The following YWHAG variants were observed in gnomAD, a reference collection of about 807,000 sequenced individuals.
YWHAG encodes the protein tyrosine 3-monooxygenase/tryptophan 5-monooxygenase activation protein gamma.
YWHAG carries 1 observed loss-of-function variant against 23.3 expected under a neutral mutation model. That is an observed-to-expected ratio of 0.04 (90% CI 0.02 to 0.20). YWHAG has a LOEUF of 0.20. Among genes scored for constraint, YWHAG ranks in the 10% least tolerant of loss-of-function variants. The pLI, the probability that YWHAG is intolerant of heterozygous loss-of-function variation, is 1.00. For missense variants in YWHAG, 151 were observed against 338.6 expected (o/e 0.45, Z 4.35); for synonymous variants, 160 against 144.0 (o/e 1.11, Z -0.80).
chr7:76,343,063 G>A (rs1803721174), intron 1 of YWHAG, among the ~76,000 whole-genome samples: 1 of 152,154 alleles, frequency 6.6e-6, no homozygotes, highest in Admixed American at 6.5e-5. Flanking sequence ...CTTGAAACCA[G>A]GAGACAGAGG....
intron 1 of YWHAG, 143 bp downstream of exon 1, chr7:76,358,579 G>A (rs1804000160): frequency 1.3e-6 from 1 of 787,866 alleles, no homozygotes. Context: ...CGCCTCTCGG[G>A]ACCCTCCCCA....
In YWHAG at chr7:76,329,443, A is replaced by G; in HGVS notation, c.*134T>C. 8.5e-7 allele frequency: 1 copy of G among 1,173,824 alleles called. No individual in the cohort carries two copies. 72.7% of individuals were successfully genotyped at this position (1,173,824 alleles called of 1,614,324 possible). On this transcript the variant is annotated 3_prime_UTR_variant, in exon 2 of 2. Coordinates refer to ENST00000307630, the MANE Select transcript of YWHAG (RefSeq NM_012479.4). This position sits in a 1 kb window ranked among gnomAD's most constrained non-coding sequence, Gnocchi z 6.1. ...AAAAATGTCAAAGAGGCGATCAAAG[A>G]CAGGACAGGTCGTGGGTTTCTCCCT...
chr7:76,353,313 A>G (rs904341702), intron 1 of YWHAG, among the ~76,000 whole-genome samples: 1 of 152,108 alleles, frequency 6.6e-6, no homozygotes, highest in Non-Finnish European at 1.5e-5. Flanking sequence ...CCCAGGTTCA[A>G]GTAATTCTCC....
At position 76,329,310 on chromosome 7, in the gene YWHAG, C is replaced by T. The variant is rs1159706124; in HGVS notation, c.*267G>A. 4.7e-6 allele frequency: 2 copies of T among 424,292 alleles called. No individual in the cohort carries two copies. Among genetic ancestry groups the T allele is most frequent in the Non-Finnish European group, 8.4e-6 (2 of 239,204 alleles). The allele number at this position is 424,292 out of a possible 1,614,324, so 26.3% of individuals were successfully genotyped here. A position where few individuals can be genotyped will look rare whatever the true frequency, so the allele number is the denominator to read the frequency against. The stretch of plus-strand genomic sequence containing the variant: ...ATCTAGCAATAAGTTAAATTAGAGA[C>T]AGACAGCTCCACTTGCATGAATCTA... On this transcript the variant is annotated 3_prime_UTR_variant, in exon 2 of 2. Transcript: ENST00000307630. This position sits in a 1 kb window ranked among gnomAD's most constrained non-coding sequence, Gnocchi z 6.1.
At chr7:76,348,347 C>A (rs978810597) in intron 1 of YWHAG, among the ~76,000 whole-genome samples, 2 of 150,516 alleles carry the variant, frequency 1.3e-5, no homozygotes, top group African/African-American at 4.9e-5. Flanking sequence ...TAGCCTGTCT[C>A]CCTGGTTCTA....
chr7:76,333,113 C>T (rs1803569510), intron 1 of YWHAG, among the ~76,000 whole-genome samples: 1 of 152,082 alleles, frequency 6.6e-6, no homozygotes, highest in South Asian at 2.1e-4. Context: ...GGGACTAAGG[C>T]ACATGCCACC....
intron 1 of YWHAG, among the ~76,000 whole-genome samples, chr7:76,342,980 TACAAA>T (rs1390468920): frequency 6.6e-6 from 1 of 151,948 alleles, no homozygotes; most frequent in Non-Finnish European, 1.5e-5. Flanking sequence ...CTACTAAAAA[TACAAA>T]AATTAGCTGG....
At position 76,339,351 on chromosome 7, in the gene YWHAG, T is replaced by A. The variant is rs371562480; in HGVS notation, c.88-9118A>T. On this transcript the variant is annotated intron_variant, in intron 1 of 1. Transcript: ENST00000307630. ...TGGGCATGGTGACGCACACCTGTAA[T>A]CCCAGCTACTCGGGAGGCGGAGACA... 4.6e-5 allele frequency among the ~76,000 whole-genome samples: 7 copies of A among 152,046 alleles called. No individual in the cohort carries two copies. The East Asian group carries it at 5.8e-4, about 13-fold the overall frequency.
intron 1 of YWHAG, among the ~76,000 whole-genome samples, chr7:76,354,036 G>C (rs1803912295): frequency 6.9e-6 from 1 of 145,024 alleles, no homozygotes; most frequent in African/African-American, 2.6e-5. Context: ...TCCAGCCTGG[G>C]TGACAGAGTG....
intron 1 of YWHAG, among the ~76,000 whole-genome samples, chr7:76,348,298 G>A (rs987633646): frequency 3.2e-4 from 44 of 139,306 alleles, no homozygotes; most frequent in South Asian, 2.2e-3. Flanking sequence ...ATAGCGTGTC[G>A]CCCAGGCTAG....
At chr7:76,330,396 AG>A (rs980266752) in intron 1 of YWHAG, among the ~76,000 whole-genome samples, 163 bp from the exon 2 acceptor site, 1 of 152,150 alleles carries the variant, frequency 6.6e-6, no homozygotes, top group African/African-American at 2.4e-5. Context: ...AGCACACACA[AG>A]GGAGGGAAAA....
At chr7:76,335,434 C>T (rs1308452865) in intron 1 of YWHAG, among the ~76,000 whole-genome samples, 1 of 152,212 alleles carries the variant, frequency 6.6e-6, no homozygotes, top group East Asian at 1.9e-4. Flanking sequence ...GTTATTCTCA[C>T]CAACAGTTTA....
Position 76,338,775 on chromosome 7 carries a change from T to G in YWHAG, c.88-8542A>C, listed in dbSNP as rs564504254. ...CTCATTCATTCTGTGAATTGTTCTC[T>G]GATCACAATGCCAAGGCTTCATTGT... On this transcript the variant is annotated intron_variant, in intron 1 of 1. Coordinates refer to ENST00000307630, the MANE Select transcript of YWHAG (RefSeq NM_012479.4). 1.3e-4 allele frequency among the ~76,000 whole-genome samples: 20 copies of G among 152,366 alleles called. No homozygotes were observed. In the South Asian group the frequency reaches 4.1e-3, roughly 32 times the overall value.
At chr7:76,355,104 T>A (rs1238751176) in intron 1 of YWHAG, among the ~76,000 whole-genome samples, 6 of 152,202 alleles carry the variant, frequency 3.9e-5, no homozygotes, top group Non-Finnish European at 7.3e-5. Flanking sequence ...TTTTTAAAAA[T>A]AACCACTTTC....
chr7:76,333,211 C>A (rs567209158), intron 1 of YWHAG, among the ~76,000 whole-genome samples: 2 of 152,268 alleles, frequency 1.3e-5, no homozygotes, highest in South Asian at 4.1e-4. Context: ...CTCAAGTGAT[C>A]CACCCACCTT....
chr7:76,341,000 A>G lies in YWHAG; in HGVS notation c.88-10767T>C, dbSNP rs543178474. On this transcript the variant is annotated intron_variant, in intron 1 of 1. Transcript: ENST00000307630. ...CCTTCTGCCTGAGCCTAGCCTCCCA[A>G]GTAGCTGGGACTACAGGCATGTGCC... is the stretch of plus-strand genomic sequence containing the variant. 1.4e-3 allele frequency among the ~76,000 whole-genome samples: 220 copies of G among 152,316 alleles called. 1 individual carries two copies. The highest frequency in any genetic ancestry group is 0.014 in the South Asian group (66 of 4,832).
intron 1 of YWHAG, among the ~76,000 whole-genome samples, chr7:76,346,428 C>T (rs1365706597): frequency 1.3e-5 from 2 of 152,242 alleles, no homozygotes; most frequent in African/African-American, 4.8e-5. Context: ...TATTCTGCAG[C>T]TGTTAGGCCA....
chr7:76,358,684 G>A (rs762154550), intron 1 of YWHAG, 38 bp downstream of exon 1: 11 of 1,543,566 alleles, frequency 7.1e-6, no homozygotes, highest in African/African-American at 2.8e-5. Flanking sequence ...CGTCTTCGGA[G>A]GGGCAGGGAG....
chr7:76,346,817 A>G (rs1803785547), intron 1 of YWHAG, among the ~76,000 whole-genome samples: 1 of 152,124 alleles, frequency 6.6e-6, no homozygotes, highest in East Asian at 1.9e-4. Context: ...GAGACTCACC[A>G]TGGCTTAAGA....
Sources: allele counts gnomAD v4.1 joint callset (sites outside exome capture counted in the v4.1 genomes callset), GRCh38; gene constraint gnomAD v4.1.1; non-coding constraint Gnocchi (gnomAD v3.1); transcripts MANE v1.5; gene names NCBI Gene and HGNC (gene_info 2026-07-23, HGNC 2026-07-21).